Variants in DENND1A observed in about 807,000 individuals in gnomAD.
DENND1A encodes DENN domain-containing protein 1A.
In DENND1A, 51 loss-of-function variants were observed where a neutral mutation model predicts 113.7. That is an observed-to-expected ratio of 0.45 (90% CI 0.36 to 0.57). The LOEUF (loss-of-function observed/expected upper bound fraction) is 0.57, where lower values mean the gene tolerates loss of function less well. Ranked by LOEUF, DENND1A falls within the 20% of genes least tolerant of loss-of-function variation. DENND1A has a pLI of 0.00. For synonymous variants in DENND1A, 565 were observed against 570.8 expected (o/e 0.99, Z 0.14); for missense variants, 1,258 against 1,395.9 (o/e 0.90, Z 1.57).
intron 1 of DENND1A, among the ~76,000 whole-genome samples, chr9:123,905,749 T>A (rs1215874553): frequency 6.7e-6 from 1 of 150,052 alleles, no homozygotes; most frequent in Admixed American, 6.6e-5. Context: ...CTCCCACACA[T>A]TAATAATGGG....
At chr9:123,528,804 T>C (rs2055053430) in intron 13 of DENND1A, among the ~76,000 whole-genome samples, 1 of 152,214 alleles carries the variant, frequency 6.6e-6, no homozygotes, top group Non-Finnish European at 1.5e-5. Flanking sequence ...CCTCTTAGTG[T>C]CGTCTTTCAA....
At chr9:123,487,145 G>A (rs1360883217) in intron 13 of DENND1A, among the ~76,000 whole-genome samples, 1 of 152,220 alleles carries the variant, frequency 6.6e-6, no homozygotes, top group Non-Finnish European at 1.5e-5. Context: ...CCAAACAGAG[G>A]TCACTGAGAG....
intron 13 of DENND1A, among the ~76,000 whole-genome samples, chr9:123,468,625 GCTT>G (rs1041888350): frequency 6.6e-6 from 1 of 152,206 alleles, no homozygotes; most frequent in African/African-American, 2.4e-5. Context: ...TGGTCTGACG[GCTT>G]CTTCTTACAG....
At chr9:123,696,076 T>C (rs2140494904) in intron 5 of DENND1A, among the ~76,000 whole-genome samples, 2 of 152,118 alleles carry the variant, frequency 1.3e-5, no homozygotes, top group East Asian at 3.9e-4. Context: ...CTTACAACTG[T>C]GAACTTCAAA....
At chr9:123,697,065 TAA>T (rs2065567574) in intron 5 of DENND1A, among the ~76,000 whole-genome samples, 1 of 152,208 alleles carries the variant, frequency 6.6e-6, no homozygotes, top group Non-Finnish European at 1.5e-5. Flanking sequence ...TCTTTTGCAT[TAA>T]GAGTAATCCC....
chr9:123,476,746 T>C (rs1242019702), intron 13 of DENND1A, among the ~76,000 whole-genome samples: 3 of 152,222 alleles, frequency 2.0e-5, no homozygotes, highest in Non-Finnish European at 2.9e-5. Context: ...GTGTTTTACA[T>C]GTATTCACTC....
intron 1 of DENND1A, among the ~76,000 whole-genome samples, chr9:123,916,371 CTTTT>C (rs545019678): frequency 7.9e-6 from 1 of 126,660 alleles, no homozygotes; most frequent in Admixed American, 8.0e-5. Flanking sequence ...TACGTATTTG[CTTTT>C]TTTTTTTTTT....
chr9:123,627,758 AGAG>A (rs1437907979), intron 10 of DENND1A, among the ~76,000 whole-genome samples: 1 of 142,832 alleles, frequency 7.0e-6, no homozygotes, highest in African/African-American at 2.7e-5. Flanking sequence ...AAAAAAAAAA[AGAG>A]AGAGAGAGCG....
At chr9:123,891,186 T>C (rs764340885) in intron 1 of DENND1A, among the ~76,000 whole-genome samples, 10 of 152,094 alleles carry the variant, frequency 6.6e-5, no homozygotes, top group Non-Finnish European at 1.3e-4. Flanking sequence ...CTTCCCCATG[T>C]CTCCCAGAAG....
intron 21 of DENND1A, among the ~76,000 whole-genome samples, chr9:123,390,923 A>G (rs1311013503): frequency 6.6e-6 from 1 of 152,256 alleles, no homozygotes; most frequent in Admixed American, 6.5e-5. Flanking sequence ...AGCACAGATC[A>G]CAGCTTGACA....
intron 21 of DENND1A, among the ~76,000 whole-genome samples, chr9:123,402,786 C>T (rs2043595114): frequency 6.6e-6 from 1 of 152,262 alleles, no homozygotes. Context: ...CCACTTCAGT[C>T]CACTGCTTGT....
intron 4 of DENND1A, among the ~76,000 whole-genome samples, chr9:123,761,921 C>A (rs1387028416): frequency 6.6e-6 from 1 of 152,186 alleles, no homozygotes; most frequent in African/African-American, 2.4e-5. Context: ...ACCTCAGCAT[C>A]CATAATTTCC....
At chr9:123,397,312 G>A (rs1170409992) in intron 21 of DENND1A, among the ~76,000 whole-genome samples, 2 of 152,166 alleles carry the variant, frequency 1.3e-5, no homozygotes, top group African/African-American at 4.8e-5. Context: ...GTGCAACCAA[G>A]ACCGGCTGAT....
At chr9:123,909,363 A>AT (rs201138488) in intron 1 of DENND1A, among the ~76,000 whole-genome samples, 5,630 of 150,794 alleles carry the variant, frequency 0.037, 110 homozygotes, top group Middle Eastern at 0.045. Flanking sequence ...AAAAATAAAA[A>AT]AAACAATAAA....
rs543856912 is a variant in DENND1A at position 123,504,478 on chromosome 9, C to T, written c.994-46581G>A. The stretch of plus-strand genomic sequence containing the variant: ...ATCAGAAGGAGCCACTGGAAAATGA[C>T]AGAGTGTTTTTAAGTCTGATTTAAA... On this transcript the variant is annotated intron_variant, in intron 13 of 23. Transcript: ENST00000394215. Among the ~76,000 whole-genome samples the T allele has an allele frequency of 3.9e-5, 6 of 152,348 alleles. No individual in the cohort carries two copies. The South Asian group carries it at 1.0e-3, about 26-fold the overall frequency.
intron 12 of DENND1A, among the ~76,000 whole-genome samples, chr9:123,567,388 C>A (rs1423062500): frequency 6.6e-6 from 1 of 152,042 alleles, no homozygotes; most frequent in African/African-American, 2.4e-5. Flanking sequence ...TATGCACTTG[C>A]AAAAGGAAAC....
intron 19 of DENND1A, among the ~76,000 whole-genome samples, chr9:123,427,982 C>A (rs1003452847): frequency 6.6e-6 from 1 of 152,110 alleles, no homozygotes; most frequent in African/African-American, 2.4e-5. Context: ...GCAGAAGAGG[C>A]AAGGCCAATA....
At chr9:123,556,411 C>T (rs369407631) in intron 13 of DENND1A, among the ~76,000 whole-genome samples, 5 of 152,168 alleles carry the variant, frequency 3.3e-5, no homozygotes, top group Admixed American at 1.3e-4. Context: ...GAATACACGA[C>T]GGAGTCAGAG....
intron 12 of DENND1A, among the ~76,000 whole-genome samples, chr9:123,574,187 TTTTTG>T (rs1458367919): frequency 1.3e-5 from 2 of 150,418 alleles, no homozygotes; most frequent in East Asian, 1.9e-4. Context: ...TTTTTTTTTT[TTTTTG>T]TTTGTAAATT....
Sources: allele counts gnomAD v4.1 joint callset (sites outside exome capture counted in the v4.1 genomes callset), GRCh38; gene constraint gnomAD v4.1.1; transcripts MANE v1.5; gene names NCBI Gene and HGNC (gene_info 2026-07-23, HGNC 2026-07-21).